AP4E1: variants seen among roughly 807,000 people sequenced by gnomAD.
AP4E1 encodes the protein adaptor related protein complex 4 subunit epsilon 1.
A neutral mutation model predicts 128.2 loss-of-function variants in AP4E1; 56 were observed. The ratio of observed to expected loss-of-function variants is 0.44; its 90% confidence interval spans 0.35 to 0.55. The LOEUF (loss-of-function observed/expected upper bound fraction) is 0.55. Ranked by LOEUF, AP4E1 falls within the 20% of genes least tolerant of loss-of-function variation. The probability of loss-of-function intolerance (pLI) is 0.00; values close to 1 mark genes in which losing one functional copy is unlikely to be tolerated. For synonymous variants in AP4E1, 484 were observed against 473.1 expected (o/e 1.02, Z -0.30); for missense variants, 1,324 against 1,307.7 (o/e 1.01, Z -0.19).
At position 50,997,707 on chromosome 15, in the gene AP4E1, A is replaced by G; in HGVS notation, c.2728A>G (p.Thr910Ala). The part of the protein sequence containing the change: ...SSLASSFLEE[T>A]TEYIHSNAME... ...TTTAGCTTCATCTTTTTTGGAAGAA[A>G]CTACTGAATACATACACTCAAATGC... Residue 910 changes from threonine (T) to alanine (A), a missense_variant, in exon 18 of 21, where the codon ACT (threonine) becomes GCT (alanine). Thr to Ala is a moderately conservative substitution (Grantham distance 58, BLOSUM62 0). Transcript: ENST00000261842. 1 of 1,614,032 alleles carries G rather than the reference A, an allele frequency of 6.2e-7. No homozygotes were observed. The highest frequency in any genetic ancestry group is 8.5e-7 in the Non-Finnish European group (1 of 1,179,994).
At chr15:50,929,862 C>T (rs1020407111) in intron 6 of AP4E1, among the ~76,000 whole-genome samples, 2 of 151,700 alleles carry the variant, frequency 1.3e-5, no homozygotes, top group Non-Finnish European at 2.9e-5. Flanking sequence ...TTTGAAAGAG[C>T]TTTATTTCCC....
chr15:50,978,781 CCTT>C (rs1369122225), intron 15 of AP4E1, among the ~76,000 whole-genome samples: 2 of 152,168 alleles, frequency 1.3e-5, no homozygotes, highest in African/African-American at 4.8e-5. Context: ...CCATTTTTCT[CCTT>C]CTGTTCCACA....
At chr15:50,953,017 G>A (rs1205328617) in intron 13 of AP4E1, among the ~76,000 whole-genome samples, 1 of 152,078 alleles carries the variant, frequency 6.6e-6, no homozygotes, top group African/African-American at 2.4e-5. Context: ...CAGAGTTTGA[G>A]ATCAGCTTGG....
At chr15:50,944,587 A>C (rs1283497791) in intron 10 of AP4E1, 1 of 51,284 alleles carries the variant, frequency 1.9e-5, no homozygotes, top group Non-Finnish European at 4.7e-5. Flanking sequence ...TAAAACAGTT[A>C]AAAAAAAAAA....
chr15:50,931,105 A>G, intron 7 of AP4E1, 134 bp downstream of exon 7: 1 of 1,123,180 alleles, frequency 8.9e-7, no homozygotes, highest in Non-Finnish European at 1.3e-6. Context: ...AAAAGAAGCC[A>G]TTGTAAGAAT....
intron 3 of AP4E1, 182 bp downstream of exon 3, chr15:50,915,753 G>T (rs1332878558): frequency 1.4e-6 from 1 of 705,108 alleles, no homozygotes. Context: ...TTTTCCTGAT[G>T]CATAGCATTT....
At chr15:50,910,876 G>C (rs2063559045) in intron 1 of AP4E1, among the ~76,000 whole-genome samples, 1 of 152,186 alleles carries the variant, frequency 6.6e-6, no homozygotes, top group Non-Finnish European at 1.5e-5. Context: ...GGCTGGTCTT[G>C]AACTCCTGAC....
chr15:50,977,718 T>TTTTTG (rs1407065482), intron 15 of AP4E1, among the ~76,000 whole-genome samples: 2 of 147,192 alleles, frequency 1.4e-5, no homozygotes, highest in Non-Finnish European at 3.0e-5. Context: ...TTTTTTTTTT[T>TTTTTG]TTTTTTTTAG....
At position 50,912,153 on chromosome 15, in the gene AP4E1, G is replaced by A. The variant is rs755564395; in HGVS notation, c.222+4G>A. 2 of 1,612,570 alleles carry A rather than the reference G, an allele frequency of 1.2e-6. No homozygotes were observed. Among genetic ancestry groups the A allele is most frequent in the Non-Finnish European group, 1.7e-6 (2 of 1,179,344 alleles). ...TTCTGCTCCTACTACAACACTGGTAGGTTTGCATAGTCAGTGCCAACACAT... is the reference window on the plus strand; with the variant it reads ...TTCTGCTCCTACTACAACACTGGTAAGTTTGCATAGTCAGTGCCAACACAT... On this transcript the variant is annotated splice_donor_region_variant and intron_variant, in intron 2 of 20. Coordinates refer to ENST00000261842, the MANE Select transcript of AP4E1 (RefSeq NM_007347.5).
At chr15:50,911,793 A>T (rs567696514) in intron 1 of AP4E1, among the ~76,000 whole-genome samples, 7 of 151,376 alleles carry the variant, frequency 4.6e-5, no homozygotes, top group South Asian at 2.1e-4. Flanking sequence ...CTTTAGTTTT[A>T]AAAAAAAACA....
Position 50,957,529 on chromosome 15 carries a change from G to A in AP4E1, c.1549-963G>A, listed in dbSNP as rs553003470. Among the ~76,000 whole-genome samples the A allele has an allele frequency of 6.6e-5, 10 of 152,200 alleles. No homozygotes were observed. The South Asian group carries it at 2.1e-3, about 32-fold the overall frequency. On this transcript the variant is annotated intron_variant, in intron 13 of 20. Coordinates refer to ENST00000261842, the MANE Select transcript of AP4E1 (RefSeq NM_007347.5). Reference sequence around the variant, plus strand: ...GTTCTCACTTTGGGCCGTGGTCTCAGGCTTTCTGGCTTGCGGGTGGGGCTT... The same window carrying A: ...GTTCTCACTTTGGGCCGTGGTCTCAAGCTTTCTGGCTTGCGGGTGGGGCTT...
chr15:50,985,682 G>A (rs1437141821), intron 16 of AP4E1, among the ~76,000 whole-genome samples: 1 of 152,060 alleles, frequency 6.6e-6, no homozygotes, highest in Admixed American at 6.6e-5. Context: ...CTCTGTTTTG[G>A]TACCAGTACC....
In AP4E1 at chr15:51,001,394, A is replaced by G. The variant is rs1171728868; in HGVS notation, c.3253+211A>G. Among the ~76,000 whole-genome samples, 9 of 152,236 alleles carry G rather than the reference A, an allele frequency of 5.9e-5. No homozygotes were observed. The East Asian group carries it at 1.3e-3, about 23-fold the overall frequency. ...TATACCATTTTAACAATTTTTAAACATATAGTTAAGTGGCATTAAGTGTAT... is the reference window on the plus strand; with the variant it reads ...TATACCATTTTAACAATTTTTAAACGTATAGTTAAGTGGCATTAAGTGTAT... On this transcript the variant is annotated intron_variant, in intron 20 of 20. Transcript: ENST00000261842.
intron 15 of AP4E1, among the ~76,000 whole-genome samples, chr15:50,969,453 A>G (rs2064445832): frequency 6.6e-6 from 1 of 152,136 alleles, no homozygotes; most frequent in African/African-American, 2.4e-5. Flanking sequence ...TTCAGAAAAC[A>G]ACCCTGGTTA....
Position 50,912,078 on chromosome 15 carries a change from G to A in AP4E1, c.151G>A (p.Glu51Lys). 2 of 1,613,374 alleles carry A rather than the reference G, an allele frequency of 1.2e-6. No individual in the cohort carries two copies. The highest frequency in any genetic ancestry group is 1.7e-6 in the Non-Finnish European group (2 of 1,179,396). Residue 51 changes from glutamate (E) to lysine (K), a missense_variant and splice_region_variant, in exon 2 of 21, where the codon GAA becomes AAA. Glu to Lys is a moderately conservative substitution (Grantham distance 56). Transcript: ENST00000261842. ...RGITALTSKH[E>K]EEKLIQQELS... ...CATTTAAATATTTTCACTTTCTCAG[G>A]AAGAAGAAAAATTAATCCAGCAGGA... is the stretch of plus-strand genomic sequence containing the variant.
intron 16 of AP4E1, among the ~76,000 whole-genome samples, chr15:50,991,067 G>A (rs2064799982): frequency 1.3e-5 from 2 of 152,168 alleles, no homozygotes; most frequent in South Asian, 4.1e-4. Context: ...GGACCGAGAT[G>A]GATGGCAAGG....
At chr15:50,953,112 C>A (rs544629364) in intron 13 of AP4E1, among the ~76,000 whole-genome samples, 1 of 152,122 alleles carries the variant, frequency 6.6e-6, no homozygotes, top group Non-Finnish European at 1.5e-5. Context: ...GGTATCTTTC[C>A]TTTTTGTAAT....
intron 3 of AP4E1, among the ~76,000 whole-genome samples, chr15:50,917,844 A>G (rs1421221037): frequency 6.6e-6 from 1 of 152,248 alleles, no homozygotes; most frequent in Non-Finnish European, 1.5e-5. Context: ...TCATGCGTGT[A>G]ATCCCAGCAC....
At chr15:50,993,663 ATCTG>A (rs763957659) in intron 17 of AP4E1, 38 bp downstream of exon 17, 4 of 1,612,580 alleles carry the variant, frequency 2.5e-6, no homozygotes, top group Non-Finnish European at 3.4e-6. Context: ...AATCTTTGTC[ATCTG>A]TCTGTACAAA....
Sources: allele counts gnomAD v4.1 joint callset (sites outside exome capture counted in the v4.1 genomes callset), GRCh38; gene constraint gnomAD v4.1.1; transcripts MANE v1.5; gene names NCBI Gene and HGNC (gene_info 2026-07-23, HGNC 2026-07-21).